GPRASP2: variants seen among roughly 807,000 people sequenced by gnomAD.
GPRASP2 encodes G protein-coupled receptor-associated sorting protein 2.
A neutral mutation model predicts 36.0 loss-of-function variants in GPRASP2; 10 were observed. That is an observed-to-expected ratio of 0.28 (90% CI 0.17 to 0.47). The LOEUF is 0.47. Among genes scored for constraint, GPRASP2 ranks in the 20% least tolerant of loss-of-function variants. The pLI is 0.99. For synonymous variants in GPRASP2, 219 were observed against 230.5 expected, an observed-to-expected ratio of 0.95 and a Z score of 0.45; for missense variants, 538 against 626.7, an observed-to-expected ratio of 0.86 and a Z score of 1.51.
rs1208989247 is a variant in GPRASP2, at chrX:102,715,238, G to A, written c.369G>A (p.Lys123=). The stretch of plus-strand genomic sequence containing the variant: ...AGGCAATCCCTGGAGCAAGGCCCAA[G>A]GATGAGGCCCAGGCATGGGCCCAGA... ...DAKAIPGARP[K]DEAQAWAQSE... The change falls in exon 5 of 5, where the codon AAG becomes AAA. Residue 123 remains lysine (K), a synonymous_variant. Coordinates refer to ENST00000483720, the MANE Select transcript of GPRASP2 (RefSeq NM_001004051.4). The A allele has an allele frequency of 8.2e-7, 1 of 1,212,568 alleles. No homozygotes were observed. The highest frequency in any genetic ancestry group is 1.8e-5 in the South Asian group (1 of 57,074).
Position 102,714,891 on chromosome X carries a change from C to A in GPRASP2, c.22C>A (p.Pro8Thr). The change falls in exon 5 of 5, where the codon CCT (proline) becomes ACT (threonine). Residue 8 changes from proline to threonine, a missense_variant. Pro to Thr is a conservative substitution (Grantham distance 38, BLOSUM62 -1). Transcript: ENST00000483720. ...TACCATGACTGGGGCAGAGATTGAG[C>A]CTAGTGCCCAGGCCAAGCCTGAAAA... is the stretch of plus-strand genomic sequence containing the variant. MTGAEIE[P>T]SAQAKPEKKA... 1 of 1,210,858 alleles carries A rather than the reference C, an allele frequency of 8.3e-7. No homozygotes were observed. Among genetic ancestry groups the A allele is most frequent in the Non-Finnish European group, 1.1e-6 (1 of 895,052 alleles).
chrX:102,715,323 G>T lies in GPRASP2; in HGVS notation c.454G>T (p.Ala152Ser). ...AEGVSQTNAV[A>S]WPLATAESGS... ...AGGAGTGTCCCAGACTAATGCCGTT[G>T]CTTGGCCACTGGCCACTGCTGAGTC... Residue 152 changes from alanine to serine, a missense_variant, in exon 5 of 5, where the codon GCT becomes TCT. Physicochemically the swap from Ala to Ser is moderately conservative, Grantham distance 99. This residue lies in a region of GPRASP2 where 276 missense variants were observed against 275.0 expected (regional missense o/e 1.00). Coordinates refer to ENST00000483720, the MANE Select transcript of GPRASP2 (RefSeq NM_001004051.4). The T allele has an allele frequency of 8.2e-7, 1 of 1,212,547 alleles. No homozygotes were observed. Among genetic ancestry groups the T allele is most frequent in the Non-Finnish European group, 1.1e-6 (1 of 895,661 alleles).
In GPRASP2 at chrX:102,716,221, C is replaced by G. The variant is rs746690282; in HGVS notation, c.1352C>G (p.Ser451Cys). 1.7e-6 allele frequency: 2 copies of G among 1,211,509 alleles called. No individual in the cohort carries two copies. The highest frequency in any genetic ancestry group is 5.9e-5 in the East Asian group (2 of 33,831). Residue 451 changes from serine to cysteine, a missense_variant, in exon 5 of 5, where the codon TCC becomes TGC. By Grantham distance (112) the Ser-to-Cys change is moderately radical (BLOSUM62 -1). Around this residue, in one of 2 missense-constraint regions of GPRASP2, gnomAD observed 262 missense variants for 351.7 expected, o/e 0.74. Transcript: ENST00000483720. ...PESEEEAIFG[S>C]WFWDRDEACF... The stretch of plus-strand genomic sequence containing the variant: ...TCTGAAGAAGAGGCCATATTTGGGT[C>G]CTGGTTCTGGGACAGAGATGAGGCC...
rs752558430 is a variant in GPRASP2 at position 102,716,132 on chromosome X, C to T, written c.1263C>T (p.Ser421=). ...PGTEEGAIGG[S]AYWAEEKSSL... ...CTGAGGAGGGGGCCATTGGCGGATC[C>T]GCGTACTGGGCTGAGGAAAAGTCCA... Residue 421 remains serine (S), a synonymous_variant, in exon 5 of 5, where the codon TCC becomes TCT. Coordinates refer to ENST00000483720, the MANE Select transcript of GPRASP2 (RefSeq NM_001004051.4). 46 of 1,194,643 alleles carry T rather than the reference C, an allele frequency of 3.9e-5. No individual in the cohort carries two copies. Among genetic ancestry groups the T allele is most frequent in the East Asian group, 2.4e-4 (8 of 33,619 alleles).
chrX:102,714,027 G>T (rs1183147515), intron 3 of GPRASP2, among the ~76,000 whole-genome samples, 162 bp from the exon 4 acceptor site: 1 of 111,541 alleles, frequency 9.0e-6, no homozygotes, highest in Non-Finnish European at 1.9e-5. Flanking sequence ...AGGTTGGGTT[G>T]TGACTCAGAA....
rs2081976216 is a variant in GPRASP2 at position 102,717,096 on chromosome X, T to C, written c.2227T>C (p.Leu743=). ...RTKFHVLKML[L]NLSENPAVAK... is the part of the protein sequence containing the mutation. ...GAAGTTTCACGTTCTGAAAATGCTA[T>C]TGAATTTGTCTGAAAATCCTGCTGT... is the stretch of plus-strand genomic sequence containing the variant. Residue 743 remains leucine (L), a synonymous_variant, in exon 5 of 5, where the codon TTG becomes CTG. Coordinates refer to ENST00000483720, the MANE Select transcript of GPRASP2 (RefSeq NM_001004051.4). 1.7e-6 allele frequency: 2 copies of C among 1,203,977 alleles called. No homozygotes were observed. Among genetic ancestry groups the C allele is most frequent in the Non-Finnish European group, 2.2e-6 (2 of 888,977 alleles).
chrX:102,713,654 C>T (rs764657680), intron 2 of GPRASP2, 128 bp from the exon 3 acceptor site: 4 of 112,626 alleles, frequency 3.6e-5, no homozygotes, highest in Non-Finnish European at 7.5e-5. Flanking sequence ...CCAGCAAAAC[C>T]CCGAATGTTG....
In GPRASP2 at chrX:102,712,468, G is replaced by C. The variant is rs1338861880; in HGVS notation, c.-652G>C. The C allele has an allele frequency of 8.8e-6, 1 of 113,070 alleles. No individual in the cohort carries two copies. The highest frequency in any genetic ancestry group is 1.9e-5 in the Non-Finnish European group (1 of 53,433). 9.3% of individuals were successfully genotyped at this position (113,070 alleles called of 1,213,427 possible). A position where few individuals can be genotyped will look rare whatever the true frequency, so the allele number is the denominator to read the frequency against. ...GACGCGTCTTTCCCGTTCGGATCGCGGGGAAAGCAGTGGCTCCAAGTGAGC... is the reference window on the plus strand; with the variant it reads ...GACGCGTCTTTCCCGTTCGGATCGCCGGGAAAGCAGTGGCTCCAAGTGAGC... On this transcript the variant is annotated 5_prime_UTR_variant, in exon 1 of 5. Coordinates refer to ENST00000483720, the MANE Select transcript of GPRASP2 (RefSeq NM_001004051.4).
Position 102,714,689 on chromosome X carries a change from G to C in GPRASP2, c.-181G>C. 1 of 661,779 alleles carries C rather than the reference G, an allele frequency of 1.5e-6. No homozygotes were observed. 54.5% of individuals were successfully genotyped at this position (661,779 alleles called of 1,213,427 possible). ...TATTATTGAATTATTGACTGAGACT[G>C]TGTTTGGGAAGGAGGCTGAGTGACT... On this transcript the variant is annotated 5_prime_UTR_variant, in exon 5 of 5. Transcript: ENST00000483720.
chrX:102,717,131 A>G lies in GPRASP2; in HGVS notation c.2262A>G (p.Lys754=). 8.3e-7 allele frequency: 1 copy of G among 1,200,376 alleles called. No individual in the cohort carries two copies. The highest frequency in any genetic ancestry group is 1.1e-6 in the Non-Finnish European group (1 of 886,421). ...CTGAAAATCCTGCTGTGGCAAAAAAACTATTCAGTGCCAAAGCTCTTTCAA... is the reference window on the plus strand; with the variant it reads ...CTGAAAATCCTGCTGTGGCAAAAAAGCTATTCAGTGCCAAAGCTCTTTCAA... ...NLSENPAVAK[K]LFSAKALSIF... Residue 754 remains lysine, a synonymous_variant, in exon 5 of 5, where the codon AAA becomes AAG. Coordinates refer to ENST00000483720, the MANE Select transcript of GPRASP2 (RefSeq NM_001004051.4).
At position 102,717,727 on chromosome X, in the gene GPRASP2, A is replaced by G. The variant is rs1462032938; in HGVS notation, c.*341A>G. 1 of 154,383 alleles carries G rather than the reference A, an allele frequency of 6.5e-6. No individual in the cohort carries two copies. The highest frequency in any genetic ancestry group is 1.3e-5 in the Non-Finnish European group (1 of 74,669). 12.7% of individuals were successfully genotyped at this position (154,383 alleles called of 1,213,427 possible). A position where few individuals can be genotyped will look rare whatever the true frequency, so the allele number is the denominator to read the frequency against. Reference sequence around the variant, plus strand: ...GTTTTCAATAAAGTTCTATGTTAAAATTGGCATAAGTGACCCTTCTTCAGT... The same window carrying G: ...GTTTTCAATAAAGTTCTATGTTAAAGTTGGCATAAGTGACCCTTCTTCAGT... On this transcript the variant is annotated 3_prime_UTR_variant, in exon 5 of 5. Transcript: ENST00000483720.
intron 4 of GPRASP2, 53 bp from the exon 5 acceptor site, chrX:102,714,484 C>T (rs762149837): frequency 2.9e-4 from 48 of 163,591 alleles, no homozygotes; most frequent in African/African-American, 1.4e-3. Flanking sequence ...GCACTGCATA[C>T]GTCTCATACA....
rs1401797681 is a variant in GPRASP2, at chrX:102,713,131, T to A, written c.-566T>A. On this transcript the variant is annotated splice_region_variant and 5_prime_UTR_variant, in exon 2 of 5. Coordinates refer to ENST00000483720, the MANE Select transcript of GPRASP2 (RefSeq NM_001004051.4). ...CAAAGTCTTGTGTCTGTGCGGTAGG[T>A]CTGGCGTATTCTGACAGGACACAGT... The A allele has an allele frequency of 1.8e-5, 2 of 112,445 alleles. No homozygotes were observed. Among genetic ancestry groups the A allele is most frequent in the African/African-American group, 6.5e-5 (2 of 30,940 alleles). The allele number at this position is 112,445 out of a possible 1,213,427, so 9.3% of individuals were successfully genotyped here.
Position 102,715,504 on chromosome X carries a change from C to T in GPRASP2, c.635C>T (p.Pro212Leu). Residue 212 changes from proline to leucine, a missense_variant, in exon 5 of 5, where the codon CCC becomes CTC. This residue lies in a region of GPRASP2 where 276 missense variants were observed against 275.0 expected (regional missense o/e 1.00). Coordinates refer to ENST00000483720, the MANE Select transcript of GPRASP2 (RefSeq NM_001004051.4). ...TNMGSWCYSR[P>L]RAREEASNES... ...ATGGGGTCTTGGTGCTATTCCAGGCCCAGGGCCAGAGAGGAGGCCTCTAAT... is the reference window on the plus strand; with the variant it reads ...ATGGGGTCTTGGTGCTATTCCAGGCTCAGGGCCAGAGAGGAGGCCTCTAAT... 1 of 1,211,975 alleles carries T rather than the reference C, an allele frequency of 8.3e-7. No individual in the cohort carries two copies. Among genetic ancestry groups the T allele is most frequent in the Non-Finnish European group, 1.1e-6 (1 of 895,582 alleles).
Position 102,716,222 on chromosome X carries a change from C to T in GPRASP2, c.1353C>T (p.Ser451=). The T allele has an allele frequency of 8.3e-7, 1 of 1,211,692 alleles. No individual in the cohort carries two copies. The highest frequency in any genetic ancestry group is 2.3e-4 in the Middle Eastern group (1 of 4,346). Residue 451 remains serine (S), a synonymous_variant, in exon 5 of 5, where the codon TCC becomes TCT. Coordinates refer to ENST00000483720, the MANE Select transcript of GPRASP2 (RefSeq NM_001004051.4). ...PESEEEAIFG[S]WFWDRDEACF... The stretch of plus-strand genomic sequence containing the variant: ...CTGAAGAAGAGGCCATATTTGGGTC[C>T]TGGTTCTGGGACAGAGATGAGGCCT...
intron 3 of GPRASP2, among the ~76,000 whole-genome samples, 154 bp downstream of exon 3, chrX:102,714,003 C>A (rs756114817): frequency 9.0e-6 from 1 of 111,324 alleles, no homozygotes; most frequent in Non-Finnish European, 1.9e-5. Context: ...TTGCAGGAGA[C>A]ACGAGATAGG....
At position 102,716,299 on chromosome X, in the gene GPRASP2, A is replaced by T; in HGVS notation, c.1430A>T (p.Asp477Val). Reference protein sequence around the residue: ...PVYKVSDRFRDAAEELNASSR... With the variant: ...PVYKVSDRFRVAAEELNASSR... ...TACAAGGTCAGTGATAGGTTCAGAG[A>T]TGCAGCTGAGGAGCTTAATGCATCC... Residue 477 changes from aspartate (D) to valine (V), a missense_variant, in exon 5 of 5, where the codon GAT (aspartate) becomes GTT (valine). Around this residue, in one of 2 missense-constraint regions of GPRASP2, gnomAD observed 262 missense variants for 351.7 expected, o/e 0.74. Transcript: ENST00000483720. 4 of 1,211,969 alleles carry T rather than the reference A, an allele frequency of 3.3e-6. No individual in the cohort carries two copies. The highest frequency in any genetic ancestry group is 4.5e-6 in the Non-Finnish European group (4 of 895,588).
Position 102,715,423 on chromosome X carries a change from G to A in GPRASP2, c.554G>A (p.Gly185Asp). The A allele has an allele frequency of 8.2e-7, 1 of 1,212,149 alleles. No individual in the cohort carries two copies. Among genetic ancestry groups the A allele is most frequent in the Non-Finnish European group, 1.1e-6 (1 of 895,613 alleles). The change falls in exon 5 of 5, where the codon GGC becomes GAC. Residue 185 changes from glycine to aspartate, a missense_variant. Gly to Asp is a moderately conservative substitution (Grantham distance 94, BLOSUM62 -1). Transcript: ENST00000483720. ...LVNVDAETFP[G>D]TQGQKGIQPW... ...AATGTGGATGCTGAAACCTTTCCTG[G>A]CACCCAGGGTCAGAAAGGAATCCAG...
chrX:102,714,663 G>C lies in GPRASP2; in HGVS notation c.-207G>C. On this transcript the variant is annotated 5_prime_UTR_variant, in exon 5 of 5. Coordinates refer to ENST00000483720, the MANE Select transcript of GPRASP2 (RefSeq NM_001004051.4). ...GGTTGTACCTGTTCTCACTCTATCT[G>C]TATTATTGAATTATTGACTGAGACT... 1 of 578,064 alleles carries C rather than the reference G, an allele frequency of 1.7e-6. No homozygotes were observed. The highest frequency in any genetic ancestry group is 4.1e-5 in the Admixed American group (1 of 24,432). 47.6% of individuals were successfully genotyped at this position (578,064 alleles called of 1,213,427 possible). A position where few individuals can be genotyped will look rare whatever the true frequency, so the allele number is the denominator to read the frequency against.
Sources: gnomAD v4.1 joint callset for allele counts (sites outside exome capture counted in the v4.1 genomes callset) on GRCh38, gnomAD v4.1.1 for gene constraint, gnomAD v4.1.1 regional missense constraint, MANE v1.5 for transcripts, NCBI Gene and HGNC (gene_info 2026-07-23, HGNC 2026-07-21) for gene names.